TMEM82: variants seen among roughly 807,000 people sequenced by gnomAD.
TMEM82 encodes transmembrane protein 82.
In TMEM82, 30 loss-of-function variants were observed where a neutral mutation model predicts 29.2. That is an observed-to-expected ratio of 1.03 (90% CI 0.77 to 1.39). TMEM82 has a LOEUF of 1.39. Among genes scored for constraint, TMEM82 ranks in the 40% most tolerant of loss-of-function variants. The pLI, the probability that TMEM82 is intolerant of heterozygous loss-of-function variation, is 0.00. For synonymous variants in TMEM82, 221 were observed against 225.4 expected, an observed-to-expected ratio of 0.98 and a Z score of 0.18; for missense variants, 442 against 447.7, an observed-to-expected ratio of 0.99 and a Z score of 0.12.
Position 15,744,313 on chromosome 1 carries a change from G to A in TMEM82, c.490G>A (p.Gly164Ser), listed in dbSNP as rs777870560. ...LLSLGLATLL[G>S]LGARRLHRHV... ...GAGCCTCGGGCTGGCCACGCTGCTGGGCCTGGGTGCCCGGCGCCTCCACCG... is the reference window on the plus strand; with the variant it reads ...GAGCCTCGGGCTGGCCACGCTGCTGAGCCTGGGTGCCCGGCGCCTCCACCG... The change falls in exon 4 of 6, where the codon GGC becomes AGC. Residue 164 changes from glycine (G) to serine (S), a missense_variant. By Grantham distance (56) the Gly-to-Ser change is moderately conservative. Coordinates refer to ENST00000375782, the MANE Select transcript of TMEM82 (RefSeq NM_001013641.3). The surrounding 1 kb of genome is among the most constrained non-coding windows in gnomAD (Gnocchi z 5.2). 81 of 1,544,870 alleles carry A rather than the reference G, an allele frequency of 5.2e-5. No individual in the cohort carries two copies. The highest frequency in any genetic ancestry group is 6.3e-5 in the Non-Finnish European group (72 of 1,149,450).
At position 15,747,799 on chromosome 1, in the gene TMEM82, G is replaced by A. The variant is rs896122977; in HGVS notation, c.*167G>A. 15 of 578,424 alleles carry A rather than the reference G, an allele frequency of 2.6e-5. No individual in the cohort carries two copies. The South Asian group carries it at 4.1e-4, about 16-fold the overall frequency. 35.8% of individuals were successfully genotyped at this position (578,424 alleles called of 1,614,324 possible). The stretch of plus-strand genomic sequence containing the variant: ...AAGGGAAGGCAGGATTTGGGGATGG[G>A]AGCCTCTGGAGAGGGGACACCTGGG... On this transcript the variant is annotated 3_prime_UTR_variant, in exon 6 of 6. Transcript: ENST00000375782.
intron 5 of TMEM82, 37 bp from the exon 6 acceptor site, chr1:15,747,509 G>T (rs375625704): frequency 4.4e-6 from 7 of 1,583,734 alleles, no homozygotes; most frequent in African/African-American, 1.3e-5. Context: ...AGGGGGATGG[G>T]TGAATGGGTG....
At position 15,747,603 on chromosome 1, in the gene TMEM82, C is replaced by T; in HGVS notation, c.1003C>T (p.Pro335Ser). The T allele has an allele frequency of 6.2e-7, 1 of 1,614,120 alleles. No homozygotes were observed. Among genetic ancestry groups the T allele is most frequent in the Non-Finnish European group, 8.5e-7 (1 of 1,179,966 alleles). Residue 335 changes from proline to serine, a missense_variant, in exon 6 of 6, where the codon CCC becomes TCC. Coordinates refer to ENST00000375782, the MANE Select transcript of TMEM82 (RefSeq NM_001013641.3). ...STPSQPLPSA[P>S]QSQSSAPS The stretch of plus-strand genomic sequence containing the variant: ...ACCAAGCCAGCCCCTGCCCTCGGCA[C>T]CCCAGTCCCAGAGTTCGGCCCCCTC...
At chr1:15,747,473 CG>C in intron 5 of TMEM82, 72 bp from the exon 6 acceptor site, 1 of 1,311,500 alleles carries the variant, frequency 7.6e-7, no homozygotes, top group Admixed American at 1.7e-5. Context: ...AGGAAGTGCC[CG>C]GGTCACTGGA....
At position 15,744,740 on chromosome 1, in the gene TMEM82, T is replaced by C. The variant is rs2068322192; in HGVS notation, c.757+160T>C. Among the ~76,000 whole-genome samples the C allele has an allele frequency of 6.6e-6, 1 of 152,166 alleles. No individual in the cohort carries two copies. Among genetic ancestry groups the C allele is most frequent in the African/African-American group, 2.4e-5 (1 of 41,452 alleles). The stretch of plus-strand genomic sequence containing the variant: ...GGGGGCAGTGCAGAGAAGCAGCATG[T>C]AGTGGGCACCCTGAGGTTGTAGTCT... On this transcript the variant is annotated intron_variant, in intron 4 of 5. Transcript: ENST00000375782. The surrounding 1 kb of genome is among the most constrained non-coding windows in gnomAD (Gnocchi z 5.2).
chr1:15,742,704 G>C, intron 1 of TMEM82, 57 bp downstream of exon 1: 1 of 1,553,940 alleles, frequency 6.4e-7, no homozygotes, highest in Non-Finnish European at 8.8e-7. Flanking sequence ...TCTTTGCAGT[G>C]CAGGGTGGAC....
chr1:15,742,503 C>A lies in TMEM82; in HGVS notation c.-57C>A. 2.3e-6 allele frequency: 3 copies of A among 1,332,594 alleles called. No homozygotes were observed. The highest frequency in any genetic ancestry group is 3.0e-6 in the Non-Finnish European group (3 of 992,266). 82.5% of individuals were successfully genotyped at this position (1,332,594 alleles called of 1,614,324 possible). The stretch of plus-strand genomic sequence containing the variant: ...CTCCACCGACACCTTTGCCCAGTGA[C>A]GTTGGTCTGTCCTTACGCAGACCTG... On this transcript the variant is annotated 5_prime_UTR_variant, in exon 1 of 6. Coordinates refer to ENST00000375782, the MANE Select transcript of TMEM82 (RefSeq NM_001013641.3).
Position 15,744,628 on chromosome 1 carries a change from T to C in TMEM82, c.757+48T>C. 6.5e-7 allele frequency: 1 copy of C among 1,533,658 alleles called. No homozygotes were observed. Among genetic ancestry groups the C allele is most frequent in the Non-Finnish European group, 8.8e-7 (1 of 1,137,102 alleles). ...CATTCAATCCACGCACATCCCTCTG[T>C]CTGGGTCAGGCTCCGGGGAGGCCGA... is the stretch of plus-strand genomic sequence containing the variant. On this transcript the variant is annotated intron_variant, in intron 4 of 5. Coordinates refer to ENST00000375782, the MANE Select transcript of TMEM82 (RefSeq NM_001013641.3). This position sits in a 1 kb window ranked among gnomAD's most constrained non-coding sequence, Gnocchi z 5.2.
rs527631817 is a variant in TMEM82, at chr1:15,743,167, C to A, written c.309C>A (p.Ala103=). Residue 103 remains alanine, a synonymous_variant, in exon 3 of 6, where the codon GCC becomes GCA. Transcript: ENST00000375782. ...TGGTGCTCGAGTTCTCCCTCCGGGCCGTGTCCACGCTGCTGTCCCTGGGCA... is the reference window on the plus strand; with the variant it reads ...TGGTGCTCGAGTTCTCCCTCCGGGCAGTGTCCACGCTGCTGTCCCTGGGCA... ...ALVVLEFSLR[A]VSTLLSLGKG... 6.2e-7 allele frequency: 1 copy of A among 1,609,584 alleles called. No individual in the cohort carries two copies. The highest frequency in any genetic ancestry group is 2.2e-5 in the East Asian group (1 of 44,872).
chr1:15,744,378 C>T lies in TMEM82; in HGVS notation c.555C>T (p.Arg185=), dbSNP rs139460367. ...TCTACGAGCTGCACAGCAGCCAGCG[C>T]TACTGTGGGGTGTGCCTGGGCCTGC... ...CRLYELHSSQ[R]YCGVCLGLLA... is the part of the protein sequence containing the mutation. The change falls in exon 4 of 6, where the codon CGC becomes CGT. Residue 185 remains arginine, a synonymous_variant. Transcript: ENST00000375782. This position sits in a 1 kb window ranked among gnomAD's most constrained non-coding sequence, Gnocchi z 5.2. 944 of 1,563,696 alleles carry T rather than the reference C, an allele frequency of 6.0e-4. 1 individual carries two copies. The highest frequency in any genetic ancestry group is 7.8e-4 in the Non-Finnish European group (907 of 1,156,632).
Position 15,744,187 on chromosome 1 carries a change from C to A in TMEM82, c.364C>A (p.Gln122Lys). The change falls in exon 4 of 6, where the codon CAG becomes AAG. Residue 122 changes from glutamine to lysine, a missense_variant. Coordinates refer to ENST00000375782, the MANE Select transcript of TMEM82 (RefSeq NM_001013641.3). This position sits in a 1 kb window ranked among gnomAD's most constrained non-coding sequence, Gnocchi z 5.2. ...KGSQGAAERL[Q>K]LYLLCQYSLG... ...CTCCCAGGGTGCCGCCGAGAGGCTG[C>A]AGCTCTACCTGCTGTGCCAGTACTC... 6.3e-7 allele frequency: 1 copy of A among 1,580,406 alleles called. No homozygotes were observed. The highest frequency in any genetic ancestry group is 1.7e-5 in the Admixed American group (1 of 57,892).
chr1:15,746,894 A>G lies in TMEM82; in HGVS notation c.785A>G (p.Gln262Arg). The change falls in exon 5 of 6, where the codon CAG (glutamine) becomes CGG (arginine). Residue 262 changes from glutamine to arginine, a missense_variant. By Grantham distance (43) the Gln-to-Arg change is conservative. Coordinates refer to ENST00000375782, the MANE Select transcript of TMEM82 (RefSeq NM_001013641.3). ...QEEQRQHPGL[Q>R]SQVQTVLVRM... Reference sequence around the variant, plus strand: ...GAGCAGCGGCAGCACCCCGGCCTGCAGAGCCAGGTGCAGACGGTGCTGGTG... The same window carrying G: ...GAGCAGCGGCAGCACCCCGGCCTGCGGAGCCAGGTGCAGACGGTGCTGGTG... 6.3e-7 allele frequency: 1 copy of G among 1,599,772 alleles called. No individual in the cohort carries two copies. Among genetic ancestry groups the G allele is most frequent in the African/African-American group, 1.3e-5 (1 of 74,966 alleles).
chr1:15,743,394 A>G (rs1252537418), intron 3 of TMEM82, among the ~76,000 whole-genome samples, 200 bp downstream of exon 3: 2 of 152,262 alleles, frequency 1.3e-5, no homozygotes, highest in Non-Finnish European at 2.9e-5. Flanking sequence ...ACACAGTCCC[A>G]GTCCCAAGAA....
rs984856446 is a variant in TMEM82, at chr1:15,744,882, C to T, written c.757+302C>T. Among the ~76,000 whole-genome samples, 2 of 152,096 alleles carry T rather than the reference C, an allele frequency of 1.3e-5. No homozygotes were observed. Among genetic ancestry groups the T allele is most frequent in the Non-Finnish European group, 2.9e-5 (2 of 68,008 alleles). On this transcript the variant is annotated intron_variant, in intron 4 of 5. Transcript: ENST00000375782. The surrounding 1 kb of genome is among the most constrained non-coding windows in gnomAD (Gnocchi z 5.2). ...GCCCAGAGGGGAGAGAGGGCATGGC[C>T]GTGCCAAACAAGCCACAGGAGTCCA...
intron 4 of TMEM82, among the ~76,000 whole-genome samples, chr1:15,745,925 A>G (rs945926449): frequency 6.8e-6 from 1 of 147,888 alleles, no homozygotes; most frequent in Non-Finnish European, 1.5e-5. Context: ...GGGTCTTGCC[A>G]TGTTGCCCAG....
At position 15,742,512 on chromosome 1, in the gene TMEM82, G is replaced by A. The variant is rs2068297322; in HGVS notation, c.-48G>A. The A allele has an allele frequency of 6.7e-7, 1 of 1,484,114 alleles. No individual in the cohort carries two copies. Among genetic ancestry groups the A allele is most frequent in the South Asian group, 1.3e-5 (1 of 77,374 alleles). The allele number at this position is 1,484,114 out of a possible 1,614,324, so 91.9% of individuals were successfully genotyped here. A position where few individuals can be genotyped will look rare whatever the true frequency, so the allele number is the denominator to read the frequency against. ...CACCTTTGCCCAGTGACGTTGGTCT[G>A]TCCTTACGCAGACCTGGCCGGAGGC... On this transcript the variant is annotated 5_prime_UTR_variant, in exon 1 of 6. Transcript: ENST00000375782.
Position 15,747,764 on chromosome 1 carries a change from G to T in TMEM82, c.*132G>T. 1.3e-6 allele frequency: 1 copy of T among 761,586 alleles called. No individual in the cohort carries two copies. The highest frequency in any genetic ancestry group is 2.3e-5 in the South Asian group (1 of 43,254). The allele number at this position is 761,586 out of a possible 1,614,324, so 47.2% of individuals were successfully genotyped here. A position where few individuals can be genotyped will look rare whatever the true frequency, so the allele number is the denominator to read the frequency against. On this transcript the variant is annotated 3_prime_UTR_variant, in exon 6 of 6. Transcript: ENST00000375782. ...GCCCAGAGCTCAGCACAGGCCCTGG[G>T]AGCCCCGAGAAGGGAAGGCAGGATT...
Position 15,747,807 on chromosome 1 carries a change from G to A in TMEM82, c.*175G>A. 1 of 554,860 alleles carries A rather than the reference G, an allele frequency of 1.8e-6. No homozygotes were observed. Among genetic ancestry groups the A allele is most frequent in the Non-Finnish European group, 3.1e-6 (1 of 327,222 alleles). The allele number at this position is 554,860 out of a possible 1,614,324, so 34.4% of individuals were successfully genotyped here. ...GCAGGATTTGGGGATGGGAGCCTCTGGAGAGGGGACACCTGGGGACCCCTG... is the reference window on the plus strand; with the variant it reads ...GCAGGATTTGGGGATGGGAGCCTCTAGAGAGGGGACACCTGGGGACCCCTG... On this transcript the variant is annotated 3_prime_UTR_variant, in exon 6 of 6. Coordinates refer to ENST00000375782, the MANE Select transcript of TMEM82 (RefSeq NM_001013641.3).
At position 15,747,001 on chromosome 1, in the gene TMEM82, G is replaced by A. The variant is rs781178765; in HGVS notation, c.892G>A (p.Glu298Lys). The A allele has an allele frequency of 6.1e-5, 99 of 1,612,226 alleles. No individual in the cohort carries two copies. The highest frequency in any genetic ancestry group is 2.9e-4 in the East Asian group (13 of 44,872). Residue 298 changes from glutamate to lysine, a missense_variant, in exon 5 of 6, where the codon GAG (glutamate) becomes AAG (lysine). Glu to Lys is a moderately conservative substitution (Grantham distance 56). Coordinates refer to ENST00000375782, the MANE Select transcript of TMEM82 (RefSeq NM_001013641.3). The part of the protein sequence containing the change: ...LLGILVSLLG[E>K]LWCLVGVRTL... ...GGGCATCCTTGTCTCCCTACTGGGCGAGCTCTGGTGTCTCGTGGGCGTCCG... is the reference window on the plus strand; with the variant it reads ...GGGCATCCTTGTCTCCCTACTGGGCAAGCTCTGGTGTCTCGTGGGCGTCCG...
Sources: gnomAD v4.1 joint callset for allele counts (sites outside exome capture counted in the v4.1 genomes callset) on GRCh38, gnomAD v4.1.1 for gene constraint, Gnocchi (gnomAD v3.1) non-coding constraint, MANE v1.5 for transcripts, NCBI Gene and HGNC (gene_info 2026-07-23, HGNC 2026-07-21) for gene names.